The following C1orf146 variants were observed in gnomAD, a reference collection of about 807,000 sequenced individuals.
C1orf146 encodes protein SPO16 homolog.
C1orf146 carries 22 observed loss-of-function variants against 23.0 expected under a neutral mutation model. That is an observed-to-expected ratio of 0.96 (90% CI 0.68 to 1.36). The LOEUF (loss-of-function observed/expected upper bound fraction) is 1.36. Ranked by LOEUF, C1orf146 falls within the 40% of genes most tolerant of loss-of-function variation. The pLI is 0.00. For synonymous variants in C1orf146, 59 were observed against 65.3 expected, an observed-to-expected ratio of 0.90 and a Z score of 0.47; for missense variants, 199 against 206.8, an observed-to-expected ratio of 0.96 and a Z score of 0.23.
At chr1:92,229,716 T>C (rs972341848) in intron 1 of C1orf146, among the ~76,000 whole-genome samples, 1 of 152,120 alleles carries the variant, frequency 6.6e-6, no homozygotes. Flanking sequence ...TATCAAGAAT[T>C]ACCCTAAAGA....
At chr1:92,226,704 C>T (rs1052518901) in intron 1 of C1orf146, among the ~76,000 whole-genome samples, 15 of 152,026 alleles carry the variant, frequency 9.9e-5, no homozygotes, top group African/African-American at 3.6e-4. Context: ...TATGGTTTTT[C>T]CCTTGTCATT....
At chr1:92,223,677 GTA>G (rs1651891563) in intron 1 of C1orf146, among the ~76,000 whole-genome samples, 1 of 152,062 alleles carries the variant, frequency 6.6e-6, no homozygotes, top group Non-Finnish European at 1.5e-5. Flanking sequence ...TGGACTACAG[GTA>G]CGCACCACCA....
chr1:92,225,193 C>T (rs58137821), intron 1 of C1orf146, among the ~76,000 whole-genome samples: 7,943 of 149,796 alleles, frequency 0.053, 566 homozygotes, highest in African/African-American at 0.17. Flanking sequence ...TCATCTCAAC[C>T]TCCCCAGGCT....
intron 1 of C1orf146, among the ~76,000 whole-genome samples, chr1:92,221,955 A>G (rs1417204725): frequency 1.3e-5 from 2 of 152,188 alleles, no homozygotes; most frequent in East Asian, 3.8e-4. Context: ...AAAAACCTGT[A>G]AGATGGCTGG....
intron 1 of C1orf146, among the ~76,000 whole-genome samples, chr1:92,225,104 T>G (rs1651934322): frequency 7.4e-6 from 1 of 134,836 alleles, no homozygotes; most frequent in Non-Finnish European, 1.5e-5. Context: ...TTTTCCGGTT[T>G]AGCCTCTTTT....
intron 2 of C1orf146, among the ~76,000 whole-genome samples, chr1:92,240,389 C>T (rs1570797751): frequency 6.6e-6 from 1 of 152,114 alleles, no homozygotes; most frequent in East Asian, 1.9e-4. Flanking sequence ...TCCAGCTTTT[C>T]TAGTTGCCTT....
At chr1:92,220,914 T>G (rs2100724159) in intron 1 of C1orf146, among the ~76,000 whole-genome samples, 4 of 152,314 alleles carry the variant, frequency 2.6e-5, no homozygotes, top group Admixed American at 2.6e-4. Context: ...AGTTGCAGAG[T>G]TACAGGTTAC....
intron 1 of C1orf146, among the ~76,000 whole-genome samples, chr1:92,223,282 T>C (rs1054802757): frequency 2.0e-5 from 3 of 152,230 alleles, no homozygotes; most frequent in Non-Finnish European, 2.9e-5. Flanking sequence ...ATTAGTAGTG[T>C]ATGAGAGTTC....
intron 2 of C1orf146, among the ~76,000 whole-genome samples, chr1:92,236,246 C>T (rs1652272811): frequency 6.6e-6 from 1 of 151,908 alleles, no homozygotes; most frequent in Admixed American, 6.6e-5. Context: ...GCGGCTGGTA[C>T]CGGTTGTTCC....
intron 2 of C1orf146, among the ~76,000 whole-genome samples, chr1:92,232,079 C>T (rs1652137019): frequency 6.6e-6 from 1 of 151,986 alleles, no homozygotes; most frequent in South Asian, 2.1e-4. Context: ...TTGTTTTATA[C>T]TTTGTTGTGA....
At chr1:92,222,017 A>G (rs1186639365) in intron 1 of C1orf146, among the ~76,000 whole-genome samples, 1 of 152,192 alleles carries the variant, frequency 6.6e-6, no homozygotes, top group Non-Finnish European at 1.5e-5. Flanking sequence ...TAAGGTGGGC[A>G]GATCACCTGA....
At chr1:92,244,753 T>C (rs1247353266) in intron 4 of C1orf146, 26 bp from the exon 5 acceptor site, 1 of 1,403,022 alleles carries the variant, frequency 7.1e-7, no homozygotes, top group Non-Finnish European at 1.0e-6. Context: ...AGTTATATGA[T>C]CTGTATAACA....
chr1:92,223,635 C>T (rs1054472259), intron 1 of C1orf146, among the ~76,000 whole-genome samples: 26 of 152,116 alleles, frequency 1.7e-4, no homozygotes, highest in African/African-American at 5.3e-4. Context: ...TGGGCTCAAG[C>T]GATTCTCCTG....
At position 92,219,496 on chromosome 1, in the gene C1orf146, CTTTTTTTT is replaced by C. The variant is rs71091269; in HGVS notation, c.-40+1466_-40+1473del. ...CATCACTGAAAGTGACTTTCTCTTT[CTTTTTTTT>C]TTTTTTTTTTTTTTTTTAAGACAGA... On this transcript the variant is annotated intron_variant, in intron 1 of 5. Coordinates refer to ENST00000370375, the MANE Select transcript of C1orf146 (RefSeq NM_001012425.2). Among the ~76,000 whole-genome samples the C allele has an allele frequency of 4.6e-4, 37 of 81,176 alleles. 1 individual carries two copies. The highest frequency in any genetic ancestry group is 2.7e-3 in the South Asian group (5 of 1,828). 53.3% of individuals were successfully genotyped at this position (81,176 alleles called of 152,430 possible). A position where few individuals can be genotyped will look rare whatever the true frequency, so the allele number is the denominator to read the frequency against.
chr1:92,240,305 T>C (rs934508157), intron 2 of C1orf146, among the ~76,000 whole-genome samples: 3 of 152,216 alleles, frequency 2.0e-5, no homozygotes, highest in Non-Finnish European at 2.9e-5. Context: ...TGAATTTCTG[T>C]GTAGATCTTG....
intron 3 of C1orf146, 137 bp downstream of exon 3, chr1:92,242,442 A>AC (rs1652454486): frequency 2.2e-5 from 7 of 325,044 alleles, no homozygotes; most frequent in Non-Finnish European, 3.4e-5. Flanking sequence ...TTACTACTAC[A>AC]AACAGTCCAT....
At chr1:92,238,765 C>A (rs1385598532) in intron 2 of C1orf146, among the ~76,000 whole-genome samples, 1 of 152,170 alleles carries the variant, frequency 6.6e-6, no homozygotes, top group Non-Finnish European at 1.5e-5. Context: ...CTTGTGTATA[C>A]CTTACACACT....
chr1:92,229,146 G>T (rs1478248887), intron 1 of C1orf146: 2 of 521,582 alleles, frequency 3.8e-6, no homozygotes, highest in African/African-American at 3.9e-5. Context: ...TCGCTCTCGG[G>T]GTGCAATGAT....
intron 2 of C1orf146, among the ~76,000 whole-genome samples, chr1:92,232,855 G>A (rs377220613): frequency 6.6e-6 from 1 of 152,110 alleles, no homozygotes; most frequent in African/African-American, 2.4e-5. Context: ...TTCTCTGATG[G>A]CCAGTGATGG....
Sources: gnomAD v4.1 joint callset for allele counts (sites outside exome capture counted in the v4.1 genomes callset) on GRCh38, gnomAD v4.1.1 for gene constraint, MANE v1.5 for transcripts, NCBI Gene and HGNC (gene_info 2026-07-23, HGNC 2026-07-21) for gene names.